TLL2: variants seen among roughly 807,000 people sequenced by gnomAD.
TLL2 encodes tolloid like 2.
TLL2 carries 106 observed loss-of-function variants against 123.0 expected under a neutral mutation model. The observed-to-expected ratio is 0.86, with a 90% CI of 0.74 to 1.01. The LOEUF is 1.01. TLL2 is among the 50% of genes least tolerant of loss of function. The pLI is 0.00. For synonymous variants in TLL2, 494 were observed against 516.8 expected (o/e 0.96, Z 0.60); for missense variants, 1,332 against 1,336.7 (o/e 1.00, Z 0.06).
chr10:96,370,188 G>C lies in TLL2; in HGVS notation c.2790C>G (p.Gly930=). ...DWVIVAEDGY[G]VELTFRTFEV... is the part of the protein sequence containing the mutation. ...CAAAGGTCCGGAATGTCAGCTCCAC[G>C]CCGTAGCCGTCCTCTGCCACGATCA... The change falls in exon 20 of 21, where the codon GGC becomes GGG. Residue 930 remains glycine, a synonymous_variant. Transcript: ENST00000357947. 1 of 1,614,104 alleles carries C rather than the reference G, an allele frequency of 6.2e-7. No homozygotes were observed. Among genetic ancestry groups the C allele is most frequent in the Non-Finnish European group, 8.5e-7 (1 of 1,179,962 alleles).
chr10:96,453,130 G>A (rs546808926), intron 2 of TLL2, among the ~76,000 whole-genome samples: 4 of 152,172 alleles, frequency 2.6e-5, no homozygotes, highest in Non-Finnish European at 5.9e-5. Context: ...ACTTCATGAG[G>A]TAATTTCACA....
chr10:96,419,046 C>A lies in TLL2; in HGVS notation c.923+1910G>T, dbSNP rs868808090. ...GTGGGCCTTTGGCTATTCCCTGCAC[C>A]ATTTCCCAAACAGGTGAATCAGCCC... On this transcript the variant is annotated intron_variant, in intron 7 of 20. Coordinates refer to ENST00000357947, the MANE Select transcript of TLL2 (RefSeq NM_012465.4). 5.9e-5 allele frequency among the ~76,000 whole-genome samples: 9 copies of A among 152,066 alleles called. No individual in the cohort carries two copies. In the East Asian group the frequency reaches 9.7e-4, roughly 16 times the overall value.
intron 2 of TLL2, among the ~76,000 whole-genome samples, chr10:96,472,831 C>G (rs1847197868): frequency 6.6e-6 from 1 of 152,034 alleles, no homozygotes; most frequent in Non-Finnish European, 1.5e-5. Context: ...CTTTTTAGAG[C>G]CTCAAACCTT....
intron 2 of TLL2, among the ~76,000 whole-genome samples, chr10:96,471,005 T>G (rs895210622): frequency 1.3e-4 from 20 of 152,006 alleles, no homozygotes; most frequent in Non-Finnish European, 2.4e-4. Context: ...GGAAGTCTTT[T>G]TTTTTGAGGG....
At chr10:96,434,040 G>C (rs933401017) in intron 3 of TLL2, among the ~76,000 whole-genome samples, 83 of 152,264 alleles carry the variant, frequency 5.5e-4, no homozygotes, top group African/African-American at 2.0e-3. Flanking sequence ...CTCCCAAAGT[G>C]CTGGGATTAC....
chr10:96,432,611 A>G (rs567560378), intron 4 of TLL2, among the ~76,000 whole-genome samples, 196 bp downstream of exon 4: 6 of 152,318 alleles, frequency 3.9e-5, no homozygotes, highest in Admixed American at 6.5e-5. Flanking sequence ...CTTTGAGGAC[A>G]TAGCTCCAAC....
At chr10:96,480,605 A>T (rs1237916966) in intron 1 of TLL2, 146 bp from the exon 2 acceptor site, 2 of 669,834 alleles carry the variant, frequency 3.0e-6, no homozygotes, top group East Asian at 5.3e-5. Flanking sequence ...AGCCTAAGAG[A>T]TAGGGCTGGT....
In TLL2 at chr10:96,368,174, G is replaced by A. The variant is rs191958370; in HGVS notation, c.2962C>T (p.Arg988Cys). The change falls in exon 21 of 21, where the codon CGC (arginine) becomes TGC (cysteine). Residue 988 changes from arginine to cysteine, a missense_variant. By Grantham distance (180) the Arg-to-Cys change is radical. Transcript: ENST00000357947. ...TTCTTGTTGATGGTGTCATCTGTGCGGAATCGAATCATCAGGGAATCACCT... is the reference window on the plus strand; with the variant it reads ...TTCTTGTTGATGGTGTCATCTGTGCAGAATCGAATCATCAGGGAATCACCT... ...SAGDSLMIRF[R>C]TDDTINKKGF... 37 of 1,614,182 alleles carry A rather than the reference G, an allele frequency of 2.3e-5. No individual in the cohort carries two copies. Among genetic ancestry groups the A allele is most frequent in the African/African-American group, 1.2e-4 (9 of 75,044 alleles).
At chr10:96,382,100 C>T (rs1212400020) in intron 16 of TLL2, among the ~76,000 whole-genome samples, 1 of 151,960 alleles carries the variant, frequency 6.6e-6, no homozygotes, top group Non-Finnish European at 1.5e-5. Context: ...CGGCATCTTG[C>T]TCTGTCACCC....
rs142507054 is a variant in TLL2, at chr10:96,421,024, T to A, written c.855A>T (p.Glu285Asp). ...EYNFLKMEAG[E>D]VSSLGETYDF... ...CGTATGTCTCTCCCAGAGAGCTCACTTCCCCAGCTTCCATTTTTAAGAAAT... is the reference window on the plus strand; with the variant it reads ...CGTATGTCTCTCCCAGAGAGCTCACATCCCCAGCTTCCATTTTTAAGAAAT... The change falls in exon 7 of 21, where the codon GAA becomes GAT. Residue 285 changes from glutamate (E) to aspartate (D), a missense_variant. Physicochemically the swap from Glu to Asp is conservative, Grantham distance 45. Coordinates refer to ENST00000357947, the MANE Select transcript of TLL2 (RefSeq NM_012465.4). The A allele has an allele frequency of 1.2e-4, 196 of 1,614,080 alleles. No individual in the cohort carries two copies. The African/African-American group carries it at 2.5e-3, about 21-fold the overall frequency.
chr10:96,423,531 T>C (rs372598260), intron 5 of TLL2, among the ~76,000 whole-genome samples: 1 of 152,204 alleles, frequency 6.6e-6, no homozygotes, highest in South Asian at 2.1e-4. Flanking sequence ...ATTTATTTCA[T>C]CAGTCTTCTA....
intron 2 of TLL2, among the ~76,000 whole-genome samples, chr10:96,447,437 G>T (rs948407215): frequency 1.3e-5 from 2 of 152,210 alleles, no homozygotes; most frequent in Non-Finnish European, 2.9e-5. Flanking sequence ...GCAAGTGTCC[G>T]AGTGAGACAG....
chr10:96,423,471 C>T lies in TLL2; in HGVS notation c.639-744G>A, dbSNP rs1846646388. Among the ~76,000 whole-genome samples, 5 of 152,112 alleles carry T rather than the reference C, an allele frequency of 3.3e-5. 1 individual carries two copies. In the South Asian group the frequency reaches 1.0e-3, roughly 32 times the overall value. On this transcript the variant is annotated intron_variant, in intron 5 of 20. Coordinates refer to ENST00000357947, the MANE Select transcript of TLL2 (RefSeq NM_012465.4). ...GCCTTAGAGATGACTCCCTTCTGGG[C>T]ACAATCATTTTTTTCAAATAATACT...
chr10:96,368,233 G>T lies in TLL2; in HGVS notation c.2914-11C>A. On this transcript the variant is annotated splice_polypyrimidine_tract_variant and intron_variant, in intron 20 of 20. Transcript: ENST00000357947. ...GATTTCTTCTAATGGCTGAGGAAAG[G>T]AGAAAGGGAAACGAGAAGGACTTTA... is the stretch of plus-strand genomic sequence containing the variant. 6.2e-7 allele frequency: 1 copy of T among 1,613,306 alleles called. No homozygotes were observed.
At chr10:96,406,971 GA>G (rs1262102154) in intron 9 of TLL2, among the ~76,000 whole-genome samples, 1 of 151,480 alleles carries the variant, frequency 6.6e-6, no homozygotes, top group Non-Finnish European at 1.5e-5. Flanking sequence ...CCCCCTCCTG[GA>G]TTGCTCCCAC....
At chr10:96,502,512 G>A (rs1190303083) in intron 1 of TLL2, among the ~76,000 whole-genome samples, 1 of 152,188 alleles carries the variant, frequency 6.6e-6, no homozygotes, top group Non-Finnish European at 1.5e-5. Context: ...GACAGCACTT[G>A]TGTTGGGCGG....
chr10:96,434,370 C>A (rs995336069), intron 3 of TLL2, among the ~76,000 whole-genome samples: 2 of 152,194 alleles, frequency 1.3e-5, no homozygotes, highest in Non-Finnish European at 2.9e-5. Flanking sequence ...TTTCCCGAGA[C>A]CTTGGCAACC....
At chr10:96,413,354 G>T (rs753203665) in intron 7 of TLL2, 38 bp from the exon 8 acceptor site, 16 of 1,601,128 alleles carry the variant, frequency 1.0e-5, no homozygotes, top group African/African-American at 4.0e-5. Context: ...GAAAAGTCAA[G>T]GCCATCAGGC....
chr10:96,422,901 G>A (rs1846640078), intron 5 of TLL2, among the ~76,000 whole-genome samples, 174 bp from the exon 6 acceptor site: 1 of 152,200 alleles, frequency 6.6e-6, no homozygotes. Context: ...GCCGAGGTGG[G>A]CGGATCACCT....
Sources: allele counts gnomAD v4.1 joint callset (sites outside exome capture counted in the v4.1 genomes callset), GRCh38; gene constraint gnomAD v4.1.1; transcripts MANE v1.5; gene names NCBI Gene and HGNC (gene_info 2026-07-23, HGNC 2026-07-21).